ADNP: variants seen among roughly 807,000 people sequenced by gnomAD.
ADNP encodes activity-dependent neuroprotector homeobox protein.
In ADNP, 4 loss-of-function variants were observed where a neutral mutation model predicts 84.9. That is an observed-to-expected ratio of 0.05 (90% confidence interval 0.02 to 0.11). ADNP has a LOEUF of 0.11. ADNP is among the 10% of genes least tolerant of loss of function. ADNP has a pLI of 1.00. For synonymous variants in ADNP, 554 were observed against 468.1 expected, an observed-to-expected ratio of 1.18 and a Z score of -2.37; for missense variants, 1,132 against 1,326.0, an observed-to-expected ratio of 0.85 and a Z score of 2.27.
Position 50,892,932 on chromosome 20 carries a change from C to G in ADNP, c.1782G>C (p.Gln594His). ...QNNPPVPPKPQPKVQEKADIP... is the reference protein window; with the variant it reads ...QNNPPVPPKPHPKVQEKADIP... ...TATCTGCCTTTTCCTGAACCTTTGGCTGTGGCTTTGGAGGAACTGGAGGAT... is the reference window on the plus strand; with the variant it reads ...TATCTGCCTTTTCCTGAACCTTTGGGTGTGGCTTTGGAGGAACTGGAGGAT... Residue 594 changes from glutamine (Q) to histidine (H), a missense_variant, in exon 6 of 6, where the codon CAG becomes CAC. Physicochemically the swap from Gln to His is conservative, Grantham distance 24. Transcript: ENST00000621696. 1.9e-6 allele frequency: 3 copies of G among 1,614,212 alleles called. No individual in the cohort carries two copies. The South Asian group carries it at 3.3e-5, about 18-fold the overall frequency.
rs71192505 is a variant in ADNP at position 50,890,161 on chromosome 20, A to AAAAAACAAAAAAC, written c.*1243_*1244insGTTTTTTGTTTTT. On this transcript the variant is annotated 3_prime_UTR_variant, in exon 6 of 6. Transcript: ENST00000621696. ...AAAAAAAAAAAAAAAAAAAAAAAAA[A>AAAAAACAAAAAAC]GAAAAACAGATTTTGTACCAGGTGC... 1 of 181,134 alleles carries AAAAAACAAAAAAC rather than the reference A, an allele frequency of 5.5e-6. No homozygotes were observed. The highest frequency in any genetic ancestry group is 2.9e-5 in the African/African-American group (1 of 34,208). 11.2% of individuals were successfully genotyped at this position (181,134 alleles called of 1,614,324 possible).
intron 2 of ADNP, among the ~76,000 whole-genome samples, chr20:50,905,991 T>A (rs1033476574): frequency 1.3e-5 from 2 of 152,126 alleles, no homozygotes; most frequent in Admixed American, 6.5e-5. Flanking sequence ...GGAGGGCAGA[T>A]CACGAGGTCA....
intron 5 of ADNP, among the ~76,000 whole-genome samples, chr20:50,900,194 C>G (rs1981830240): frequency 6.6e-6 from 1 of 152,114 alleles, no homozygotes; most frequent in Non-Finnish European, 1.5e-5. Context: ...TTCTATGCTT[C>G]ACTATGTTTA....
chr20:50,916,789 G>GT (rs1041137433), intron 2 of ADNP, among the ~76,000 whole-genome samples: 29 of 152,080 alleles, frequency 1.9e-4, no homozygotes, highest in African/African-American at 7.0e-4. Context: ...TGGAATCTAA[G>GT]TAACAATCAC....
chr20:50,898,973 C>A (rs546065149), intron 5 of ADNP, among the ~76,000 whole-genome samples: 2 of 152,096 alleles, frequency 1.3e-5, no homozygotes, highest in Admixed American at 1.3e-4. Flanking sequence ...AAGATTATAA[C>A]GGGGCTGAAA....
In ADNP at chr20:50,898,159, C is replaced by G. The variant is rs143859168; in HGVS notation, c.202-3647G>C. On this transcript the variant is annotated intron_variant, in intron 5 of 5. Coordinates refer to ENST00000621696, the MANE Select transcript of ADNP (RefSeq NM_001282531.3). ...GTTTCATCCATATTGAAAATTTGTT[C>G]TGGCAAGTGATTTTCCTCCAGACTC... 8.0e-3 allele frequency among the ~76,000 whole-genome samples: 1,221 copies of G among 152,352 alleles called. 23 individuals carry two copies. The highest frequency in any genetic ancestry group is 0.028 in the African/African-American group (1,165 of 41,578).
Position 50,892,668 on chromosome 20 carries a change from C to G in ADNP, c.2046G>C (p.Leu682=). The G allele has an allele frequency of 1.2e-6, 2 of 1,614,180 alleles. No individual in the cohort carries two copies. Among genetic ancestry groups the G allele is most frequent in the Non-Finnish European group, 1.7e-6 (2 of 1,180,038 alleles). Residue 682 remains leucine, a synonymous_variant, in exon 6 of 6, where the codon CTG becomes CTC. Coordinates refer to ENST00000621696, the MANE Select transcript of ADNP (RefSeq NM_001282531.3). ...TSNMTASTIT[L]HLVHCRGVGK... ...CAACGCCCCTGCAGTGAACTAGATG[C>G]AGAGTGATAGTTGAGGCGGTCATGT...
chr20:50,895,628 C>T (rs1981303761), intron 5 of ADNP, among the ~76,000 whole-genome samples: 1 of 152,152 alleles, frequency 6.6e-6, no homozygotes, highest in Non-Finnish European at 1.5e-5. Flanking sequence ...TCACTGCAGC[C>T]TCAACCTCTT....
At chr20:50,915,412 T>C (rs1983434470) in intron 2 of ADNP, among the ~76,000 whole-genome samples, 1 of 152,222 alleles carries the variant, frequency 6.6e-6, no homozygotes, top group Non-Finnish European at 1.5e-5. Flanking sequence ...GGTTTATATA[T>C]TTGCATTTTA....
Position 50,889,839 on chromosome 20 carries a change from G to A in ADNP, c.*1566C>T, listed in dbSNP as rs1472417889. On this transcript the variant is annotated 3_prime_UTR_variant, in exon 6 of 6. Coordinates refer to ENST00000621696, the MANE Select transcript of ADNP (RefSeq NM_001282531.3). ...CTTCCATCTTTACAGCCCTGTCAGTGCTGTGCTCTTCAAAGCCTTTCCCTT... is the reference window on the plus strand; with the variant it reads ...CTTCCATCTTTACAGCCCTGTCAGTACTGTGCTCTTCAAAGCCTTTCCCTT... The A allele has an allele frequency of 1.0e-5, 4 of 398,432 alleles. No individual in the cohort carries two copies. The highest frequency in any genetic ancestry group is 8.8e-5 in the Admixed American group (2 of 22,704). The allele number at this position is 398,432 out of a possible 1,614,324, so 24.7% of individuals were successfully genotyped here.
intron 2 of ADNP, among the ~76,000 whole-genome samples, chr20:50,917,583 C>T (rs907702847): frequency 1.1e-4 from 17 of 152,308 alleles, no homozygotes; most frequent in African/African-American, 4.1e-4. Context: ...TAAGCATGTT[C>T]TTCTGAAAGT....
chr20:50,895,481 A>G (rs963577792), intron 5 of ADNP, among the ~76,000 whole-genome samples: 1 of 152,240 alleles, frequency 6.6e-6, no homozygotes, highest in Non-Finnish European at 1.5e-5. Flanking sequence ...GGGTGAGTCA[A>G]TATGAAAGCC....
At chr20:50,913,399 A>G (rs1983241683) in intron 2 of ADNP, among the ~76,000 whole-genome samples, 1 of 152,066 alleles carries the variant, frequency 6.6e-6, no homozygotes, top group South Asian at 2.1e-4. Context: ...TAAGAATTTC[A>G]GATCCTTGAT....
intron 1 of ADNP, among the ~76,000 whole-genome samples, chr20:50,930,619 A>G (rs1172040792): frequency 2.0e-5 from 3 of 151,752 alleles, no homozygotes; most frequent in Non-Finnish European, 4.4e-5. Flanking sequence ...GGACCTCCGG[A>G]GCAGAGTCGG....
chr20:50,906,962 AGTTTTTTTTTTTT>A (rs1982536627), intron 2 of ADNP, among the ~76,000 whole-genome samples: 1 of 116,882 alleles, frequency 8.6e-6, no homozygotes, highest in East Asian at 2.7e-4. Flanking sequence ...ACAGGGTTCC[AGTTTTTTTTTTTT>A]GTTTTTTTTT....
chr20:50,894,918 A>C (rs931741261), intron 5 of ADNP, among the ~76,000 whole-genome samples: 1 of 152,172 alleles, frequency 6.6e-6, no homozygotes, highest in African/African-American at 2.4e-5. Flanking sequence ...TGATTTTAGT[A>C]TGTTTTCCCC....
chr20:50,891,806 A>C lies in ADNP; in HGVS notation c.2908T>G (p.Ser970Ala), dbSNP rs1244327681. Residue 970 changes from serine to alanine, a missense_variant, in exon 6 of 6, where the codon TCT becomes GCT. Transcript: ENST00000621696. The part of the protein sequence containing the change: ...DDVVEWKDGA[S>A]PSESGPGSQQ... ...GATCCAGGCCCACTCTCAGATGGAG[A>C]AGCACCGTCTTTCCACTCAACAACA... 1.2e-6 allele frequency: 2 copies of C among 1,614,032 alleles called. No homozygotes were observed. The highest frequency in any genetic ancestry group is 1.3e-5 in the African/African-American group (1 of 74,934).
chr20:50,894,159 G>A lies in ADNP; in HGVS notation c.555C>T (p.Tyr185=), dbSNP rs1161161261. ...PLYEIVRKHI[Y]REHFQHVAAP... Reference sequence around the variant, plus strand: ...CTGCCACATGCTGAAAATGTTCCCTGTAAATGTGCTTCCTAACTATTTCAT... The same window carrying A: ...CTGCCACATGCTGAAAATGTTCCCTATAAATGTGCTTCCTAACTATTTCAT... The change falls in exon 6 of 6, where the codon TAC becomes TAT. Residue 185 remains tyrosine, a synonymous_variant. Coordinates refer to ENST00000621696, the MANE Select transcript of ADNP (RefSeq NM_001282531.3). 6.2e-7 allele frequency: 1 copy of A among 1,614,058 alleles called. No individual in the cohort carries two copies. Among genetic ancestry groups the A allele is most frequent in the Non-Finnish European group, 8.5e-7 (1 of 1,179,978 alleles).
intron 2 of ADNP, among the ~76,000 whole-genome samples, chr20:50,927,924 C>G (rs1984395647): frequency 6.6e-6 from 1 of 152,204 alleles, no homozygotes; most frequent in Non-Finnish European, 1.5e-5. Flanking sequence ...ATTTTCAGAA[C>G]TTAAATAACT....
Sources: gnomAD v4.1 joint callset for allele counts (sites outside exome capture counted in the v4.1 genomes callset) on GRCh38, gnomAD v4.1.1 for gene constraint, MANE v1.5 for transcripts, NCBI Gene and HGNC (gene_info 2026-07-23, HGNC 2026-07-21) for gene names.